The following LARGE1 variants were observed in gnomAD, a reference collection of about 807,000 sequenced individuals.
LARGE1 encodes LARGE xylosyl- and glucuronyltransferase 1, also known as xylosyl- and glucuronyltransferase LARGE1.
LARGE1 carries 43 observed loss-of-function variants against 87.6 expected under a neutral mutation model. The observed-to-expected ratio is 0.49, with a 90% CI of 0.38 to 0.63. The LOEUF is 0.63. Among genes scored for constraint, LARGE1 ranks in the 30% least tolerant of loss-of-function variants. The pLI is 0.00. For synonymous variants in LARGE1, 434 were observed against 394.6 expected (o/e 1.10, Z -1.18); for missense variants, 802 against 1,000.2 (o/e 0.80, Z 2.67).
chr22:33,467,280 G>A (rs2068657152), intron 6 of LARGE1, among the ~76,000 whole-genome samples: 1 of 152,158 alleles, frequency 6.6e-6, no homozygotes, highest in Non-Finnish European at 1.5e-5. Flanking sequence ...CAACAGGAAA[G>A]AACAATTCAA....
rs931658002 is a variant in LARGE1 at position 33,812,373 on chromosome 22, C to A, written c.-82-50815G>T. 3.9e-5 allele frequency among the ~76,000 whole-genome samples: 6 copies of A among 152,314 alleles called. No homozygotes were observed. The East Asian group carries it at 9.6e-4, about 24-fold the overall frequency. The stretch of plus-strand genomic sequence containing the variant: ...ACTTGGCTTCATTTTGGACGAGGCT[C>A]TTTTTGACATGTAATGTCTTCTATT... On this transcript the variant is annotated intron_variant, in intron 1 of 14. Transcript: ENST00000397394.
At chr22:33,616,432 T>C (rs2149034260) in intron 4 of LARGE1, among the ~76,000 whole-genome samples, 1 of 152,072 alleles carries the variant, frequency 6.6e-6, no homozygotes, top group South Asian at 2.1e-4. Context: ...CTTGGGAGGC[T>C]GAGGCAGGAG....
chr22:33,378,913 A>T (rs1397341057), intron 9 of LARGE1, among the ~76,000 whole-genome samples: 1 of 152,156 alleles, frequency 6.6e-6, no homozygotes, highest in Non-Finnish European at 1.5e-5. Flanking sequence ...AACTCTGGGA[A>T]ACACATTTAC....
intron 11 of LARGE1, among the ~76,000 whole-genome samples, chr22:33,249,044 T>C (rs1238536818): frequency 6.6e-6 from 1 of 152,218 alleles, no homozygotes; most frequent in Non-Finnish European, 1.5e-5. Flanking sequence ...CGTGTGGACA[T>C]AAGTTTTCAA....
chr22:33,671,791 C>T (rs910823557), intron 2 of LARGE1, among the ~76,000 whole-genome samples: 2 of 152,146 alleles, frequency 1.3e-5, no homozygotes, highest in African/African-American at 2.4e-5. Flanking sequence ...TATTGATATC[C>T]TACCGTTCAA....
intron 4 of LARGE1, among the ~76,000 whole-genome samples, chr22:33,611,248 CT>C (rs56313510): frequency 0.99 from 151,493 of 152,344 alleles, 75,325 homozygotes; most frequent in East Asian, 1. Context: ...CGATGTGCAC[CT>C]TTGTGCTTGG....
At chr22:33,694,604 T>C (rs1470382203) in intron 2 of LARGE1, among the ~76,000 whole-genome samples, 1 of 152,200 alleles carries the variant, frequency 6.6e-6, no homozygotes, top group Non-Finnish European at 1.5e-5. Context: ...ATCTTCAACT[T>C]TTTGGCCACT....
rs16992701 is a variant in LARGE1 at position 33,650,098 on chromosome 22, C to T, written c.408+269G>A. Among the ~76,000 whole-genome samples the T allele has an allele frequency of 0.016, 2,486 of 152,286 alleles. 48 individuals are homozygous for T. The highest frequency in any genetic ancestry group is 0.048 in the African/African-American group (2,015 of 41,554). On this transcript the variant is annotated intron_variant, in intron 3 of 14. Transcript: ENST00000397394. ...TCAAAATGAACCACATAGAAACAAG[C>T]GGTAGGTTCCATCAGTGAGCTCCTC...
At chr22:33,627,063 A>G (rs1241787548) in intron 3 of LARGE1, among the ~76,000 whole-genome samples, 1 of 152,216 alleles carries the variant, frequency 6.6e-6, no homozygotes, top group African/African-American at 2.4e-5. Context: ...CTACATTCCA[A>G]TGATACCAAA....
At chr22:33,517,197 C>A (rs1424395297) in intron 6 of LARGE1, among the ~76,000 whole-genome samples, 2 of 152,096 alleles carry the variant, frequency 1.3e-5, no homozygotes, top group Admixed American at 6.6e-5. Context: ...AGAAAGCTAA[C>A]TCTGGATTAC....
chr22:33,830,295 A>C (rs575484404), intron 1 of LARGE1, among the ~76,000 whole-genome samples: 17 of 152,326 alleles, frequency 1.1e-4, no homozygotes, highest in Middle Eastern at 3.4e-3. Flanking sequence ...CATAAAACTT[A>C]GGGGAGCTCT....
intron 6 of LARGE1, among the ~76,000 whole-genome samples, chr22:33,493,900 A>C (rs901644572): frequency 1.3e-5 from 2 of 152,194 alleles, no homozygotes; most frequent in African/African-American, 4.8e-5. Flanking sequence ...AGGTGCTGAC[A>C]AGGGCTCTAC....
At chr22:33,299,414 G>C (rs1933839908) in intron 12 of LARGE1, among the ~76,000 whole-genome samples, 1 of 152,138 alleles carries the variant, frequency 6.6e-6, no homozygotes, top group African/African-American at 2.4e-5. Flanking sequence ...CTACAATGTA[G>C]CATACTGCCT....
chr22:33,399,600 G>A (rs1393352472), intron 7 of LARGE1, among the ~76,000 whole-genome samples: 1 of 152,146 alleles, frequency 6.6e-6, no homozygotes. Context: ...CCAGGCTGGA[G>A]TGCAATGGTG....
intron 3 of LARGE1, among the ~76,000 whole-genome samples, chr22:33,637,274 G>GA (rs1403890636): frequency 1.3e-5 from 2 of 152,176 alleles, no homozygotes; most frequent in Admixed American, 1.3e-4. Flanking sequence ...TTTTTAAAAT[G>GA]AGAGAGTTGC....
intron 11 of LARGE1, among the ~76,000 whole-genome samples, chr22:33,193,410 CAT>C (rs1445954786): frequency 6.6e-5 from 10 of 152,242 alleles, no homozygotes; most frequent in African/African-American, 2.4e-4. Context: ...CAGCAAATCA[CAT>C]ATGAGTAGAG....
intron 7 of LARGE1, among the ~76,000 whole-genome samples, chr22:33,394,452 C>G (rs1166552579): frequency 1.3e-5 from 2 of 152,136 alleles, no homozygotes; most frequent in African/African-American, 4.8e-5. Flanking sequence ...CATGCCTCGG[C>G]CTCCCGAAGT....
intron 6 of LARGE1, among the ~76,000 whole-genome samples, chr22:33,516,089 CAGGGAGGGTGTGAGGGATGCTGTTTG>C (rs748603301): frequency 6.6e-6 from 1 of 152,164 alleles, no homozygotes; most frequent in African/African-American, 2.4e-5. Context: ...GCAGAGGATG[CAGGGAGGGTGTGAGGGATGCTGTTTG>C]AGAGAAGACT....
chr22:33,475,549 C>T (rs369017643), intron 6 of LARGE1, among the ~76,000 whole-genome samples: 3 of 151,904 alleles, frequency 2.0e-5, no homozygotes, highest in African/African-American at 4.8e-5. Context: ...GCAACCTCCG[C>T]CTCCCAGGTT....
Sources: gnomAD v4.1 joint callset for allele counts (sites outside exome capture counted in the v4.1 genomes callset) on GRCh38, gnomAD v4.1.1 for gene constraint, MANE v1.5 for transcripts, NCBI Gene and HGNC (gene_info 2026-07-23, HGNC 2026-07-21) for gene names.